Variants in PRKN observed in about 807,000 individuals in gnomAD.
The protein encoded by PRKN is E3 ubiquitin-protein ligase parkin.
PRKN carries 56 observed loss-of-function variants against 59.5 expected under a neutral mutation model. The observed-to-expected ratio is 0.94, with a 90% CI of 0.76 to 1.18. PRKN has a LOEUF of 1.18. Ranked by LOEUF, PRKN falls within the 50% of genes most tolerant of loss-of-function variation. The pLI is 0.00. For missense variants in PRKN, 657 were observed against 596.4 expected (o/e 1.10, Z -1.06); for synonymous variants, 250 against 222.1 (o/e 1.13, Z -1.12).
rs541876723 is a variant in PRKN, at chr6:162,299,110, G to A, written c.172-36345C>T. Reference sequence around the variant, plus strand: ...CTCTTGGGGAAAGCTGCAAGGAGGTGTGAACTGGAGGCAGAGCTGCTGGAA... The same window carrying A: ...CTCTTGGGGAAAGCTGCAAGGAGGTATGAACTGGAGGCAGAGCTGCTGGAA... On this transcript the variant is annotated intron_variant, in intron 2 of 11. Transcript: ENST00000366898. Among the ~76,000 whole-genome samples, 6 of 152,334 alleles carry A rather than the reference G, an allele frequency of 3.9e-5. No individual in the cohort carries two copies. In the South Asian group the frequency reaches 1.2e-3, roughly 32 times the overall value.
At chr6:162,368,842 G>C (rs964088363) in intron 2 of PRKN, among the ~76,000 whole-genome samples, 2 of 152,138 alleles carry the variant, frequency 1.3e-5, no homozygotes, top group East Asian at 1.9e-4. Context: ...CAATTACAGA[G>C]AGCCAAACCT....
At chr6:162,150,590 A>G (rs1485042736) in intron 4 of PRKN, among the ~76,000 whole-genome samples, 1 of 152,192 alleles carries the variant, frequency 6.6e-6, no homozygotes, top group Non-Finnish European at 1.5e-5. Flanking sequence ...ACCGGGGAAA[A>G]ATAAATCCAG....
At chr6:161,842,911 G>A (rs137945253) in intron 6 of PRKN, among the ~76,000 whole-genome samples, 1 of 152,284 alleles carries the variant, frequency 6.6e-6, no homozygotes, top group East Asian at 1.9e-4. Flanking sequence ...GCGGATTGAG[G>A]CTGAATGTTA....
rs372705082 is a variant in PRKN at position 161,496,579 on chromosome 6, G to C, written c.1083+52275C>G. 4.3e-3 allele frequency among the ~76,000 whole-genome samples: 649 copies of C among 152,326 alleles called. 9 individuals are homozygous for C. Among genetic ancestry groups the C allele is most frequent in the African/African-American group, 0.015 (606 of 41,574 alleles). On this transcript the variant is annotated intron_variant, in intron 9 of 11. Transcript: ENST00000366898. ...TTTATAAAACCATCAGATCTTGTGA[G>C]ACTTATTCACTACCACAAGGACAGT... is the stretch of plus-strand genomic sequence containing the variant.
intron 1 of PRKN, among the ~76,000 whole-genome samples, chr6:162,666,843 T>C (rs1415795239): frequency 1.3e-5 from 2 of 152,114 alleles, no homozygotes; most frequent in African/African-American, 2.4e-5. Context: ...AGTAAGAGCT[T>C]ATAACAATCA....
At position 162,365,052 on chromosome 6, in the gene PRKN, T is replaced by A. The variant is rs16893754; in HGVS notation, c.171+78258A>T. Among the ~76,000 whole-genome samples, 1,368 of 151,626 alleles carry A rather than the reference T, an allele frequency of 9.0e-3. 23 individuals carry two copies. Among genetic ancestry groups the A allele is most frequent in the African/African-American group, 0.032 (1,309 of 41,294 alleles). On this transcript the variant is annotated intron_variant, in intron 2 of 11. Transcript: ENST00000366898. ...AAAAACTGTTCCAATTTCCCTGTTT[T>A]CTAAATATACTTTACTAAGCATTTT...
chr6:162,061,347 T>C (rs1562489896), intron 4 of PRKN, among the ~76,000 whole-genome samples: 1 of 152,198 alleles, frequency 6.6e-6, no homozygotes, highest in Non-Finnish European at 1.5e-5. Flanking sequence ...GTTACAAGTA[T>C]TATTTCTTAT....
rs1298434647 is a variant in PRKN at position 161,578,509 on chromosome 6, T to C, written c.872-9093A>G. Among the ~76,000 whole-genome samples, 1 of 152,224 alleles carries C rather than the reference T, an allele frequency of 6.6e-6. No individual in the cohort carries two copies. Among genetic ancestry groups the C allele is most frequent in the Non-Finnish European group, 1.5e-5 (1 of 68,038 alleles). ...TCCTTATGAAGGCTTCCTTAGGACT[T>C]TGTCTCACTGTGTCCACTGACCCCA... is the stretch of plus-strand genomic sequence containing the variant. On this transcript the variant is annotated intron_variant, in intron 7 of 11. Coordinates refer to ENST00000366898, the MANE Select transcript of PRKN (RefSeq NM_004562.3). The surrounding 1 kb of genome is among the most constrained non-coding windows in gnomAD (Gnocchi z 4.2).
chr6:161,764,756 T>A (rs966700467), intron 7 of PRKN, among the ~76,000 whole-genome samples: 3 of 152,222 alleles, frequency 2.0e-5, no homozygotes, highest in African/African-American at 4.8e-5. Flanking sequence ...ATTAAAACAA[T>A]AGCTAAATGC....
At chr6:161,973,214 T>C in intron 6 of PRKN, 88 bp downstream of exon 6, 2 of 868,440 alleles carry the variant, frequency 2.3e-6, no homozygotes, top group Non-Finnish European at 3.9e-6. Flanking sequence ...AGAACAATAT[T>C]GGGAAAGTAA....
intron 4 of PRKN, among the ~76,000 whole-genome samples, chr6:162,081,123 T>C (rs1005887596): frequency 1.1e-4 from 16 of 152,138 alleles, no homozygotes; most frequent in African/African-American, 3.4e-4. Context: ...CACTGAAGTC[T>C]TGAATCCCTT....
At chr6:162,376,520 C>T (rs1786094692) in intron 2 of PRKN, among the ~76,000 whole-genome samples, 1 of 151,446 alleles carries the variant, frequency 6.6e-6, no homozygotes, top group Non-Finnish European at 1.5e-5. Context: ...CTCCTTGGCA[C>T]TGAGGAGCCG....
intron 1 of PRKN, among the ~76,000 whole-genome samples, chr6:162,508,568 G>A (rs1319975379): frequency 6.6e-6 from 1 of 152,134 alleles, no homozygotes; most frequent in Non-Finnish European, 1.5e-5. Flanking sequence ...TTCATTTTCT[G>A]AGAGGCATCC....
intron 2 of PRKN, among the ~76,000 whole-genome samples, chr6:162,402,157 T>C (rs1197594299): frequency 6.6e-6 from 1 of 150,558 alleles, no homozygotes; most frequent in Non-Finnish European, 1.5e-5. Context: ...GCTAAGGCAC[T>C]AGAATCGCTT....
At chr6:162,157,083 T>C (rs1354924668) in intron 4 of PRKN, among the ~76,000 whole-genome samples, 1 of 152,084 alleles carries the variant, frequency 6.6e-6, no homozygotes, top group Non-Finnish European at 1.5e-5. Flanking sequence ...TCTTGATACA[T>C]TTTAATCTGG....
chr6:162,105,939 T>G (rs1296318940), intron 4 of PRKN, among the ~76,000 whole-genome samples: 1 of 152,230 alleles, frequency 6.6e-6, no homozygotes, highest in Non-Finnish European at 1.5e-5. Flanking sequence ...TTCTTTCTCA[T>G]GGATCCAATC....
intron 4 of PRKN, among the ~76,000 whole-genome samples, chr6:162,158,597 A>C (rs1767668581): frequency 6.6e-6 from 1 of 151,782 alleles, no homozygotes; most frequent in Non-Finnish European, 1.5e-5. Context: ...ACGCCTGGCT[A>C]ATTTTTTATT....
chr6:161,588,200 A>G lies in PRKN; in HGVS notation c.872-18784T>C, dbSNP rs1781588395. On this transcript the variant is annotated intron_variant, in intron 7 of 11. Transcript: ENST00000366898. This position sits in a 1 kb window ranked among gnomAD's most constrained non-coding sequence, Gnocchi z 5.0. ...GGAGTTCGAGACCAGCCTGGCTAACATGGCAAAACCCCGTCTCTACTAAAA... is the reference window on the plus strand; with the variant it reads ...GGAGTTCGAGACCAGCCTGGCTAACGTGGCAAAACCCCGTCTCTACTAAAA... 6.6e-6 allele frequency among the ~76,000 whole-genome samples: 1 copy of G among 152,062 alleles called. No individual in the cohort carries two copies. The highest frequency in any genetic ancestry group is 2.1e-4 in the South Asian group (1 of 4,822).
chr6:162,150,719 A>G (rs1782233431), intron 4 of PRKN, among the ~76,000 whole-genome samples: 2 of 152,190 alleles, frequency 1.3e-5, no homozygotes, highest in African/African-American at 4.8e-5. Context: ...TCAAGGTGAA[A>G]TATTCTTGGT....
Sources: allele counts gnomAD v4.1 joint callset (sites outside exome capture counted in the v4.1 genomes callset), GRCh38; gene constraint gnomAD v4.1.1; non-coding constraint Gnocchi (gnomAD v3.1); transcripts MANE v1.5; gene names NCBI Gene and HGNC (gene_info 2026-07-23, HGNC 2026-07-21).